PLXNA4: variants seen among roughly 807,000 people sequenced by gnomAD.
The protein encoded by PLXNA4 is plexin-A4.
In PLXNA4, 44 loss-of-function variants were observed where a neutral mutation model predicts 191.8. The observed-to-expected ratio is 0.23, with a 90% confidence interval of 0.18 to 0.29. The LOEUF (loss-of-function observed/expected upper bound fraction) is 0.29, where lower values mean the gene tolerates loss of function less well. Ranked by LOEUF, PLXNA4 falls within the 10% of genes least tolerant of loss-of-function variation. PLXNA4 has a pLI of 1.00. For synonymous variants in PLXNA4, 1,082 were observed against 1,009.5 expected, an observed-to-expected ratio of 1.07 and a Z score of -1.36; for missense variants, 1,800 against 2,488.8, an observed-to-expected ratio of 0.72 and a Z score of 5.89.
chr7:132,412,381 G>A (rs550516466), intron 3 of PLXNA4, among the ~76,000 whole-genome samples: 2 of 152,298 alleles, frequency 1.3e-5, no homozygotes, highest in East Asian at 3.9e-4. Context: ...GAAGTCAGGT[G>A]CATTGCCCTC....
intron 30 of PLXNA4, among the ~76,000 whole-genome samples, chr7:132,135,680 AAGAC>A (rs1366477213): frequency 6.6e-6 from 1 of 152,202 alleles, no homozygotes; most frequent in East Asian, 1.9e-4. Flanking sequence ...GTGTGTGAGA[AAGAC>A]AGAGAGAGCT....
chr7:132,314,768 G>A (rs1274528100), intron 3 of PLXNA4, among the ~76,000 whole-genome samples: 3 of 152,138 alleles, frequency 2.0e-5, no homozygotes, highest in African/African-American at 7.2e-5. Flanking sequence ...CATCCTCAAC[G>A]TAGACCAGGA....
intron 1 of PLXNA4, among the ~76,000 whole-genome samples, chr7:132,527,001 T>G (rs1383969944): frequency 2.0e-5 from 3 of 152,228 alleles, no homozygotes. Flanking sequence ...TTATAGTAAC[T>G]GTCTCTATTT....
At chr7:132,184,299 A>G (rs944551934) in intron 16 of PLXNA4, among the ~76,000 whole-genome samples, 3 of 152,228 alleles carry the variant, frequency 2.0e-5, no homozygotes, top group Admixed American at 6.5e-5. Context: ...GAGAGTGGAC[A>G]AATGAGGGAC....
chr7:132,562,269 T>C (rs1585343073), intron 1 of PLXNA4, among the ~76,000 whole-genome samples: 7 of 101,814 alleles, frequency 6.9e-5, no homozygotes, highest in Admixed American at 1.0e-4. Flanking sequence ...CTTCTTTCTC[T>C]GCCTCCTTCT....
intron 14 of PLXNA4, among the ~76,000 whole-genome samples, chr7:132,190,095 C>T (rs1452170000): frequency 6.6e-6 from 1 of 152,244 alleles, no homozygotes; most frequent in Non-Finnish European, 1.5e-5. Context: ...CTGCTCACCA[C>T]CCACCTTCTT....
chr7:132,253,856 C>T (rs1161625927), intron 4 of PLXNA4, among the ~76,000 whole-genome samples: 1 of 152,168 alleles, frequency 6.6e-6, no homozygotes, highest in Non-Finnish European at 1.5e-5. Context: ...AGGACCAGGG[C>T]ACCTCTGCCT....
intron 9 of PLXNA4, among the ~76,000 whole-genome samples, chr7:132,217,711 A>G (rs1248420317): frequency 6.6e-6 from 1 of 152,118 alleles, no homozygotes; most frequent in Non-Finnish European, 1.5e-5. Context: ...AGTGTGATCT[A>G]TGACAGGCTG....
intron 3 of PLXNA4, among the ~76,000 whole-genome samples, chr7:132,414,633 A>G (rs527891936): frequency 1.3e-5 from 2 of 152,318 alleles, no homozygotes; most frequent in African/African-American, 4.8e-5. Context: ...CACATCCCAT[A>G]ACCACAGAAA....
intron 20 of PLXNA4, among the ~76,000 whole-genome samples, chr7:132,178,769 AC>A (rs1796571919): frequency 7.2e-6 from 1 of 138,176 alleles, no homozygotes; most frequent in African/African-American, 3.0e-5. Flanking sequence ...ACACACACAC[AC>A]ACACAGCCTC....
At chr7:132,563,994 CCTTCTCCTCCTCCTTCTCCTCCTCCTT>C (rs1563177253) in intron 1 of PLXNA4, among the ~76,000 whole-genome samples, 3 of 6,522 alleles carry the variant, frequency 4.6e-4, no homozygotes, top group East Asian at 0.016. Flanking sequence ...TCCTCCTCCT[CCTTCTCCTCCTCCTTCTCCTCCTCCTT>C]CTCCTCCTCC....
intron 20 of PLXNA4, 106 bp from the exon 21 acceptor site, chr7:132,175,026 C>A: frequency 6.7e-7 from 1 of 1,502,586 alleles, no homozygotes; most frequent in Non-Finnish European, 9.0e-7. Context: ...GAGACATGAG[C>A]AATGGACCAC....
intron 3 of PLXNA4, among the ~76,000 whole-genome samples, chr7:132,390,614 C>T (rs1213953112): frequency 3.9e-5 from 6 of 152,122 alleles, no homozygotes; most frequent in African/African-American, 1.4e-4. Flanking sequence ...ACTGAAAACA[C>T]AGCCATCATT....
intron 2 of PLXNA4, among the ~76,000 whole-genome samples, chr7:132,493,660 T>C (rs1305299644): frequency 6.6e-6 from 1 of 152,106 alleles, no homozygotes; most frequent in African/African-American, 2.4e-5. Flanking sequence ...GCCTGGCTTA[T>C]AATAGGCTAA....
chr7:132,416,339 A>G (rs1487182264), intron 3 of PLXNA4, among the ~76,000 whole-genome samples: 1 of 152,180 alleles, frequency 6.6e-6, no homozygotes, highest in African/African-American at 2.4e-5. Context: ...AACAAGTGAG[A>G]CTTCAAGAAA....
intron 3 of PLXNA4, among the ~76,000 whole-genome samples, chr7:132,316,367 C>T (rs1801944444): frequency 6.6e-6 from 1 of 152,144 alleles, no homozygotes; most frequent in Admixed American, 6.5e-5. Context: ...TTAACATAAA[C>T]TCAATCAACT....
intron 3 of PLXNA4, among the ~76,000 whole-genome samples, chr7:132,410,718 C>T (rs142993569): frequency 6.6e-6 from 1 of 152,212 alleles, no homozygotes; most frequent in Non-Finnish European, 1.5e-5. Flanking sequence ...CTCCCCAAGG[C>T]GCTGGTGGGG....
intron 29 of PLXNA4, among the ~76,000 whole-genome samples, chr7:132,144,177 C>T (rs896498089): frequency 6.6e-6 from 1 of 152,154 alleles, no homozygotes; most frequent in Non-Finnish European, 1.5e-5. Context: ...GGAAAAGCTA[C>T]AGGGAGGCAG....
At chr7:132,646,955 G>T (rs529960365) in intron 1 of PLXNA4, among the ~76,000 whole-genome samples, 1 of 139,706 alleles carries the variant, frequency 7.2e-6, no homozygotes, top group East Asian at 2.1e-4. Context: ...ACAAACACAC[G>T]CTGTCATACA....
Sources: allele counts gnomAD v4.1 joint callset (sites outside exome capture counted in the v4.1 genomes callset), GRCh38; gene constraint gnomAD v4.1.1; transcripts MANE v1.5; gene names NCBI Gene and HGNC (gene_info 2026-07-23, HGNC 2026-07-21).